Variants in SOX5 observed in about 807,000 individuals in gnomAD.
The protein encoded by SOX5 is SRY-box transcription factor 5, also known as transcription factor SOX-5.
Under a neutral mutation model 92.0 loss-of-function variants are expected in SOX5, and 9 were observed. The ratio of observed to expected loss-of-function variants is 0.10; its 90% CI spans 0.06 to 0.17. The LOEUF (loss-of-function observed/expected upper bound fraction) is 0.17, where lower values mean the gene tolerates loss of function less well. Among genes scored for constraint, SOX5 ranks in the 10% least tolerant of loss-of-function variants. The pLI, the probability that SOX5 is intolerant of heterozygous loss-of-function variation, is 1.00. For synonymous variants in SOX5, 344 were observed against 336.3 expected, an observed-to-expected ratio of 1.02 and a Z score of -0.25; for missense variants, 642 against 944.5, an observed-to-expected ratio of 0.68 and a Z score of 4.20.
intron 10 of SOX5, among the ~76,000 whole-genome samples, chr12:23,573,546 A>G (rs562479828): frequency 1.3e-5 from 2 of 152,288 alleles, no homozygotes; most frequent in East Asian, 3.9e-4. Context: ...CTTCATTCTT[A>G]TTCTAAGACA....
chr12:24,066,213 C>A (rs1000795999), intron 4 of SOX5, among the ~76,000 whole-genome samples: 1 of 152,124 alleles, frequency 6.6e-6, no homozygotes, highest in African/African-American at 2.4e-5. Flanking sequence ...ATATAGAAGG[C>A]TGATACATGC....
At chr12:24,491,571 C>A (rs1255474162) in intron 1 of SOX5, among the ~76,000 whole-genome samples, 1 of 151,972 alleles carries the variant, frequency 6.6e-6, no homozygotes, top group East Asian at 1.9e-4. Context: ...AAAAAAAGTC[C>A]TTTGAAGTAC....
chr12:23,575,244 C>G (rs189691259), intron 10 of SOX5, among the ~76,000 whole-genome samples: 1 of 152,100 alleles, frequency 6.6e-6, no homozygotes, highest in African/African-American at 2.4e-5. Context: ...AACTTCACAT[C>G]CTTATGGTTG....
chr12:23,631,038 A>G (rs2078464999), intron 8 of SOX5, among the ~76,000 whole-genome samples: 1 of 152,008 alleles, frequency 6.6e-6, no homozygotes, highest in South Asian at 2.1e-4. Flanking sequence ...TACAAGTTGT[A>G]TGTAATGCAA....
At chr12:24,255,798 C>A (rs1472968569) in intron 3 of SOX5, among the ~76,000 whole-genome samples, 1 of 152,014 alleles carries the variant, frequency 6.6e-6, no homozygotes, top group Non-Finnish European at 1.5e-5. Flanking sequence ...TCTTTTTTAA[C>A]GAATTTGAAA....
intron 1 of SOX5, among the ~76,000 whole-genome samples, chr12:24,400,326 A>G (rs992294284): frequency 1.1e-4 from 16 of 152,196 alleles, no homozygotes; most frequent in African/African-American, 3.9e-4. Flanking sequence ...CATTCTTGAC[A>G]CCCAAGTAAC....
chr12:24,346,315 TATTTCAAAGGAGGATAAA>T (rs1953237996), intron 2 of SOX5, among the ~76,000 whole-genome samples: 1 of 152,140 alleles, frequency 6.6e-6, no homozygotes, highest in Admixed American at 6.6e-5. Context: ...CAGGGAAAAA[TATTTCAAAGGAGGATAAA>T]ATTTCCAAAC....
rs1489169333 is a variant in SOX5, at chr12:24,523,806, G to A, written c.-251+38523C>T. On this transcript the variant is annotated intron_variant, in intron 1 of 4. Coordinates refer to the SOX5 transcript ENST00000446891. Reference sequence around the variant, plus strand: ...ACAAAACTCCTGGGAGAAAACATAAGGGAAAATCTTTGTGACATCGGTCTT... The same window carrying A: ...ACAAAACTCCTGGGAGAAAACATAAAGGAAAATCTTTGTGACATCGGTCTT... 2.6e-5 allele frequency among the ~76,000 whole-genome samples: 4 copies of A among 152,274 alleles called. No individual in the cohort carries two copies. The East Asian group carries it at 7.7e-4, about 29-fold the overall frequency.
At chr12:24,502,941 A>G (rs1948367880) in intron 1 of SOX5, among the ~76,000 whole-genome samples, 1 of 152,202 alleles carries the variant, frequency 6.6e-6, no homozygotes, top group Admixed American at 6.5e-5. Context: ...ATTGACTAGC[A>G]CTCATCAAAG....
chr12:24,399,059 C>A (rs1252078720), intron 1 of SOX5, among the ~76,000 whole-genome samples: 1 of 152,142 alleles, frequency 6.6e-6, no homozygotes, highest in African/African-American at 2.4e-5. Flanking sequence ...TTTTTGGACC[C>A]CCACCAAAAA....
rs1272199431 is a variant in SOX5, at chr12:24,393,715, T to TA, written c.-250-25077dup. On this transcript the variant is annotated intron_variant, in intron 1 of 4. Coordinates refer to the SOX5 transcript ENST00000446891. The surrounding 1 kb of genome is among the most constrained non-coding windows in gnomAD (Gnocchi z 5.0). The stretch of plus-strand genomic sequence containing the variant: ...AATTTGGCAAAACTTTTCTATTCTT[T>TA]AAAAAATTATGACACAATACTATCT... Among the ~76,000 whole-genome samples the TA allele has an allele frequency of 6.6e-6, 1 of 152,206 alleles. No homozygotes were observed.
At chr12:23,944,812 T>C (rs561928004) in intron 1 of SOX5, among the ~76,000 whole-genome samples, 1 of 152,304 alleles carries the variant, frequency 6.6e-6, no homozygotes, top group East Asian at 1.9e-4. Flanking sequence ...CATGGTTGGG[T>C]TAAACCTTTG....
chr12:24,400,177 T>G (rs139157960), intron 1 of SOX5, among the ~76,000 whole-genome samples: 271 of 152,364 alleles, frequency 1.8e-3, no homozygotes, highest in Non-Finnish European at 3.3e-3. Flanking sequence ...AAAATTGGTC[T>G]TAAATTTAGA....
intron 8 of SOX5, among the ~76,000 whole-genome samples, chr12:23,624,840 T>A (rs2077572974): frequency 6.6e-6 from 1 of 152,166 alleles, no homozygotes; most frequent in Non-Finnish European, 1.5e-5. Context: ...AAGATACAAA[T>A]GCAACAAGAT....
At chr12:23,869,881 C>A (rs1378737847) in intron 2 of SOX5, among the ~76,000 whole-genome samples, 1 of 152,100 alleles carries the variant, frequency 6.6e-6, no homozygotes, top group Non-Finnish European at 1.5e-5. Flanking sequence ...ATTATCACAG[C>A]CACAATTAAG....
At chr12:24,350,988 C>G (rs508515) in intron 2 of SOX5, among the ~76,000 whole-genome samples, 89,876 of 151,940 alleles carry the variant, frequency 0.59, 28,574 homozygotes, top group East Asian at 0.88. Flanking sequence ...AGCCCAGGAG[C>G]TGGAGGTTGC....
chr12:23,534,448 G>T lies in SOX5; in HGVS notation c.2063C>A (p.Ser688Tyr). The T allele has an allele frequency of 6.2e-7, 1 of 1,614,042 alleles. No homozygotes were observed. Among genetic ancestry groups the T allele is most frequent in the Non-Finnish European group, 8.5e-7 (1 of 1,179,998 alleles). Reference sequence around the variant, plus strand: ...TGAGTGCTCCGAGGGCAGGTGAGGGGAGGGCATCCCAGCCATGGCGATGGC... The same window carrying T: ...TGAGTGCTCCGAGGGCAGGTGAGGGTAGGGCATCCCAGCCATGGCGATGGC... The part of the protein sequence containing the change: ...PGAIAMAGMP[S>Y]PHLPSEHSSV... The change falls in exon 15 of 15, where the codon TCC becomes TAC. Residue 688 changes from serine to tyrosine, a missense_variant. By Grantham distance (144) the Ser-to-Tyr change is moderately radical. Coordinates refer to ENST00000451604, the MANE Select transcript of SOX5 (RefSeq NM_006940.6).
rs565067997 is a variant in SOX5 at position 23,670,170 on chromosome 12, A to T, written c.811-4606T>A. On this transcript the variant is annotated intron_variant, in intron 6 of 14. Coordinates refer to ENST00000451604, the MANE Select transcript of SOX5 (RefSeq NM_006940.6). ...AGTAAACTAATTGTGAAAAACAAAC[A>T]AAACAAAAAGCAGAAAGTATTCTAG... Among the ~76,000 whole-genome samples the T allele has an allele frequency of 2.2e-4, 34 of 152,334 alleles. No homozygotes were observed. In the South Asian group the frequency reaches 6.8e-3, roughly 31 times the overall value.
chr12:24,222,005 C>T (rs1245309910), intron 3 of SOX5, among the ~76,000 whole-genome samples: 3 of 152,108 alleles, frequency 2.0e-5, no homozygotes, highest in Non-Finnish European at 4.4e-5. Context: ...CCTTGTAGGC[C>T]ATAGTTAGGA....
Sources: allele counts gnomAD v4.1 joint callset (sites outside exome capture counted in the v4.1 genomes callset), GRCh38; gene constraint gnomAD v4.1.1; non-coding constraint Gnocchi (gnomAD v3.1); transcripts MANE v1.5; gene names NCBI Gene and HGNC (gene_info 2026-07-23, HGNC 2026-07-21).